Variants in NTM observed in about 807,000 individuals in gnomAD.
NTM encodes IgLON family member 2.
NTM carries 13 observed loss-of-function variants against 42.1 expected under a neutral mutation model. That is an observed-to-expected ratio of 0.31 (90% confidence interval 0.20 to 0.49). The LOEUF is 0.49. NTM is among the 20% of genes least tolerant of loss of function. The pLI, the probability that NTM is intolerant of heterozygous loss-of-function variation, is 0.99. For missense variants in NTM, 373 were observed against 452.8 expected (o/e 0.82, Z 1.60); for synonymous variants, 187 against 179.2 (o/e 1.04, Z -0.35).
intron 7 of NTM, among the ~76,000 whole-genome samples, chr11:132,326,684 G>T (rs561221409): frequency 3.3e-4 from 50 of 152,342 alleles, no homozygotes; most frequent in African/African-American, 1.1e-3. Context: ...CGTTATGACA[G>T]TTGGATTAGT....
chr11:131,542,732 A>C (rs1232545620), intron 1 of NTM, among the ~76,000 whole-genome samples: 2 of 152,170 alleles, frequency 1.3e-5, no homozygotes, highest in African/African-American at 4.8e-5. Context: ...TTCAGAGCAC[A>C]CCATTGTCTA....
At chr11:132,318,653 C>T (rs2095490601) in intron 7 of NTM, among the ~76,000 whole-genome samples, 1 of 152,304 alleles carries the variant, frequency 6.6e-6, no homozygotes, top group Non-Finnish European at 1.5e-5. Context: ...GTGCCGCGTG[C>T]ACTGCTGTCA....
chr11:131,984,940 G>A (rs897454409), intron 2 of NTM, among the ~76,000 whole-genome samples: 9 of 152,172 alleles, frequency 5.9e-5, no homozygotes, highest in African/African-American at 2.2e-4. Context: ...CGAAGGTGAG[G>A]CCTTTCGTCA....
In NTM at chr11:131,866,216, C is replaced by T. The variant is rs116305454; in HGVS notation, c.83-45348C>T. Among the ~76,000 whole-genome samples the T allele has an allele frequency of 5.6e-3, 860 of 152,388 alleles. 10 individuals are homozygous for T. Among genetic ancestry groups the T allele is most frequent in the African/African-American group, 0.02 (818 of 41,594 alleles). On this transcript the variant is annotated intron_variant, in intron 1 of 8. Coordinates refer to ENST00000683400, the MANE Select transcript of NTM (RefSeq NM_001352005.2). ...CACCCTCATGCTGCACACACACATGCATGCGTTGGCAGGTGCTTCCTTTTC... is the reference window on the plus strand; with the variant it reads ...CACCCTCATGCTGCACACACACATGTATGCGTTGGCAGGTGCTTCCTTTTC...
At chr11:132,201,751 G>A (rs1192836449) in intron 3 of NTM, among the ~76,000 whole-genome samples, 1 of 152,186 alleles carries the variant, frequency 6.6e-6, no homozygotes, top group Non-Finnish European at 1.5e-5. Flanking sequence ...AATCACAATA[G>A]CATTCATTTG....
At chr11:132,036,625 C>T (rs2135721990) in intron 2 of NTM, among the ~76,000 whole-genome samples, 1 of 152,288 alleles carries the variant, frequency 6.6e-6, no homozygotes, top group South Asian at 2.1e-4. Flanking sequence ...GCTTGGCCCC[C>T]TCCACTCTAA....
At chr11:131,696,771 G>T (rs141215392) in intron 1 of NTM, among the ~76,000 whole-genome samples, 1 of 144,924 alleles carries the variant, frequency 6.9e-6, no homozygotes, top group East Asian at 2.0e-4. Flanking sequence ...TCTCAAACAG[G>T]CACACCCACG....
chr11:132,228,607 T>A (rs1470951768), intron 4 of NTM, among the ~76,000 whole-genome samples: 1 of 152,172 alleles, frequency 6.6e-6, no homozygotes, highest in African/African-American at 2.4e-5. Context: ...ACCCACCTTC[T>A]CCCCAGAACT....
chr11:131,638,620 CTT>C (rs1237317678), intron 1 of NTM, among the ~76,000 whole-genome samples: 3 of 124,526 alleles, frequency 2.4e-5, no homozygotes, highest in Non-Finnish European at 3.4e-5. Context: ...ATAAAGAAAA[CTT>C]TTCTGGAATT....
In NTM at chr11:132,225,798, G is replaced by A. The variant is rs2086126133; in HGVS notation, c.526+13651G>A. Among the ~76,000 whole-genome samples, 3 of 152,094 alleles carry A rather than the reference G, an allele frequency of 2.0e-5. No homozygotes were observed. In the South Asian group the frequency reaches 6.2e-4, roughly 32 times the overall value. On this transcript the variant is annotated intron_variant, in intron 4 of 8. Transcript: ENST00000683400. ...ACATAGGTATACATGTGCCATGGTG[G>A]TTTGCTGAACCCATCAACCCATCAT...
intron 1 of NTM, among the ~76,000 whole-genome samples, chr11:131,386,021 T>C (rs189503032): frequency 1.9e-4 from 29 of 152,312 alleles, no homozygotes; most frequent in Non-Finnish European, 3.7e-4. Context: ...TATTTATACA[T>C]GAATGTTCAT....
rs373755625 is a variant in NTM, at chr11:132,190,692, A to G, written c.401-21330A>G. On this transcript the variant is annotated intron_variant, in intron 3 of 8. Transcript: ENST00000683400. ...GCCCAGGTTGCATTTAGCCAAGATC[A>G]TGCCACTTTACTCCAGCCTGGGTGA... 1.2e-3 allele frequency among the ~76,000 whole-genome samples: 184 copies of G among 151,056 alleles called. 2 individuals are homozygous for G. In the South Asian group the frequency reaches 0.019, roughly 16 times the overall value.
At position 131,969,538 on chromosome 11, in the gene NTM, G is replaced by A. The variant is rs920903198; in HGVS notation, c.167+57890G>A. On this transcript the variant is annotated intron_variant, in intron 2 of 8. Coordinates refer to ENST00000683400, the MANE Select transcript of NTM (RefSeq NM_001352005.2). ...GGCTTTGGAGACTGAGCAAGGGGAG[G>A]CAGGGTGAGTCCTCCATGCCTTTCA... Among the ~76,000 whole-genome samples, 4 of 152,310 alleles carry A rather than the reference G, an allele frequency of 2.6e-5. No individual in the cohort carries two copies. In the South Asian group the frequency reaches 8.3e-4, roughly 32 times the overall value.
intron 1 of NTM, among the ~76,000 whole-genome samples, chr11:131,703,223 T>C (rs1565446431): frequency 6.6e-6 from 1 of 152,226 alleles, no homozygotes; most frequent in Non-Finnish European, 1.5e-5. Flanking sequence ...GTATGTAAAA[T>C]ACTCTCTTCA....
At chr11:131,911,295 T>C in intron 1 of NTM, 2 of 1,431,212 alleles carry the variant, frequency 1.4e-6, no homozygotes, top group Non-Finnish European at 1.8e-6. Context: ...AAGCCGAGGC[T>C]GGATTTGGGG....
intron 1 of NTM, among the ~76,000 whole-genome samples, chr11:131,469,539 T>A (rs1197182245): frequency 2.6e-5 from 4 of 152,182 alleles, no homozygotes; most frequent in Non-Finnish European, 5.9e-5. Context: ...TCAGGAGACC[T>A]GGAGGCCATC....
At chr11:131,940,324 C>T (rs547826688) in intron 2 of NTM, among the ~76,000 whole-genome samples, 1 of 152,202 alleles carries the variant, frequency 6.6e-6, no homozygotes, top group African/African-American at 2.4e-5. Context: ...TTATCAGCTC[C>T]TCCCAGGCCT....
intron 1 of NTM, among the ~76,000 whole-genome samples, chr11:131,431,921 C>T (rs1388814088): frequency 6.6e-6 from 1 of 152,118 alleles, no homozygotes; most frequent in African/African-American, 2.4e-5. Context: ...AACCACCACG[C>T]AAACTTCCCT....
At chr11:132,200,730 C>T (rs187829893) in intron 3 of NTM, among the ~76,000 whole-genome samples, 47 of 152,232 alleles carry the variant, frequency 3.1e-4, no homozygotes, top group African/African-American at 1.0e-3. Context: ...CCGAGAGCGG[C>T]GACCACCTGG....
Sources: allele counts gnomAD v4.1 joint callset (sites outside exome capture counted in the v4.1 genomes callset), GRCh38; gene constraint gnomAD v4.1.1; transcripts MANE v1.5; gene names NCBI Gene and HGNC (gene_info 2026-07-23, HGNC 2026-07-21).